The following CCDC91 variants were observed in gnomAD, a reference collection of about 807,000 sequenced individuals.
CCDC91 encodes coiled-coil domain containing 91, also known as coiled-coil domain-containing protein 91.
CCDC91 carries 48 observed loss-of-function variants against 63.2 expected under a neutral mutation model. That is an observed-to-expected ratio of 0.76 (90% CI 0.60 to 0.97). The LOEUF is 0.97. Among genes scored for constraint, CCDC91 ranks in the 50% least tolerant of loss-of-function variants. The pLI, the probability that CCDC91 is intolerant of heterozygous loss-of-function variation, is 0.00. For synonymous variants in CCDC91, 167 were observed against 165.8 expected (o/e 1.01, Z -0.06); for missense variants, 500 against 494.6 (o/e 1.01, Z -0.10).
At chr12:28,446,726 A>G (rs1949519938) in intron 8 of CCDC91, among the ~76,000 whole-genome samples, 1 of 152,114 alleles carries the variant, frequency 6.6e-6, no homozygotes, top group Non-Finnish European at 1.5e-5. Context: ...TGGCCTCCCA[A>G]AGTGCTGGGT....
chr12:28,361,734 T>G (rs899061515), intron 6 of CCDC91, among the ~76,000 whole-genome samples: 1 of 152,074 alleles, frequency 6.6e-6, no homozygotes, highest in African/African-American at 2.4e-5. Flanking sequence ...CCTATCTGTT[T>G]TCTCCATTTC....
chr12:28,546,028 G>T (rs1942966781), intron 12 of CCDC91, among the ~76,000 whole-genome samples: 1 of 152,024 alleles, frequency 6.6e-6, no homozygotes. Context: ...AATTGTTAAA[G>T]CTAGCACATA....
At chr12:28,418,252 G>C (rs2139855772) in intron 8 of CCDC91, among the ~76,000 whole-genome samples, 1 of 152,108 alleles carries the variant, frequency 6.6e-6, no homozygotes, top group Non-Finnish European at 1.5e-5. Context: ...CATTCTAATA[G>C]CTTACCAAAA....
chr12:28,208,981 T>G (rs1298533382), intron 1 of CCDC91, among the ~76,000 whole-genome samples: 1 of 151,696 alleles, frequency 6.6e-6, no homozygotes. Context: ...TTTTTTTTTG[T>G]ATTTTTAGTA....
At chr12:28,422,785 G>A (rs1437246664) in intron 8 of CCDC91, among the ~76,000 whole-genome samples, 1 of 151,994 alleles carries the variant, frequency 6.6e-6, no homozygotes, top group Admixed American at 6.6e-5. Flanking sequence ...TGAGAGAGTA[G>A]GAAAATCATC....
At chr12:28,411,512 G>C (rs1369232718) in intron 8 of CCDC91, among the ~76,000 whole-genome samples, 5 of 152,226 alleles carry the variant, frequency 3.3e-5, no homozygotes, top group Admixed American at 3.3e-4. Flanking sequence ...GTTACAAATA[G>C]AGCTAACTCT....
intron 1 of CCDC91, chr12:28,255,955 T>C (rs1946415451): frequency 6.6e-6 from 1 of 152,132 alleles, no homozygotes; most frequent in Admixed American, 6.6e-5. Flanking sequence ...GCCCTTAAGA[T>C]TAATGTTTAA....
chr12:28,370,717 G>A (rs1339267109), intron 7 of CCDC91, among the ~76,000 whole-genome samples: 2 of 152,340 alleles, frequency 1.3e-5, no homozygotes, highest in Non-Finnish European at 2.9e-5. Context: ...ATAAAGACAA[G>A]AGATTTAATT....
intron 3 of CCDC91, among the ~76,000 whole-genome samples, chr12:28,284,986 G>A (rs571018543): frequency 1.3e-5 from 2 of 152,240 alleles, no homozygotes; most frequent in African/African-American, 4.8e-5. Context: ...TTCTCTAAAC[G>A]GAATTCTAGT....
chr12:28,366,184 A>G (rs1290728943), intron 7 of CCDC91, among the ~76,000 whole-genome samples: 7 of 152,292 alleles, frequency 4.6e-5, no homozygotes, highest in Admixed American at 6.5e-5. Context: ...ATATAAAAAT[A>G]TAGTCCCTGA....
intron 11 of CCDC91, among the ~76,000 whole-genome samples, chr12:28,453,917 C>G (rs745964420): frequency 7.2e-5 from 11 of 151,962 alleles, no homozygotes; most frequent in Non-Finnish European, 1.5e-4. Flanking sequence ...AAAAAATCAG[C>G]ACATATTCGT....
intron 6 of CCDC91, among the ~76,000 whole-genome samples, chr12:28,325,136 T>G (rs1159199721): frequency 6.6e-6 from 1 of 151,960 alleles, no homozygotes; most frequent in Non-Finnish European, 1.5e-5. Flanking sequence ...TTTTTATTGT[T>G]TGAAGAAAGA....
chr12:28,216,505 C>G (rs1164530646), intron 1 of CCDC91, among the ~76,000 whole-genome samples: 2 of 151,622 alleles, frequency 1.3e-5, no homozygotes, highest in African/African-American at 4.8e-5. Context: ...GTGTAATGAA[C>G]TGGTGGACTT....
At chr12:28,390,893 C>T (rs182427029) in intron 7 of CCDC91, among the ~76,000 whole-genome samples, 8 of 151,692 alleles carry the variant, frequency 5.3e-5, no homozygotes, top group Admixed American at 5.3e-4. Flanking sequence ...GTTTTGTCAG[C>T]CAGTGAAATA....
At chr12:28,223,898 G>A (rs1944105604) in intron 1 of CCDC91, among the ~76,000 whole-genome samples, 1 of 152,122 alleles carries the variant, frequency 6.6e-6, no homozygotes, top group African/African-American at 2.4e-5. Context: ...TATTTCTCTT[G>A]AAACTCAGGC....
intron 3 of CCDC91, among the ~76,000 whole-genome samples, chr12:28,274,514 C>A (rs989360268): frequency 6.6e-6 from 1 of 152,118 alleles, no homozygotes; most frequent in Non-Finnish European, 1.5e-5. Flanking sequence ...TGTTTTATTT[C>A]ATTAAGCAGT....
At chr12:28,402,587 CA>C (rs34654808) in intron 8 of CCDC91, among the ~76,000 whole-genome samples, 2,271 of 99,316 alleles carry the variant, frequency 0.023, 26 homozygotes, top group Non-Finnish European at 0.027. Flanking sequence ...ATGTCATCTG[CA>C]AAAAAAAAAA....
intron 6 of CCDC91, among the ~76,000 whole-genome samples, chr12:28,337,804 A>T (rs900811833): frequency 6.6e-5 from 10 of 152,030 alleles, no homozygotes; most frequent in Non-Finnish European, 1.3e-4. Context: ...TGTTTTTCTT[A>T]ACTCTCTATT....
At chr12:28,464,703 A>G (rs1373919072) in intron 11 of CCDC91, among the ~76,000 whole-genome samples, 4 of 152,156 alleles carry the variant, frequency 2.6e-5, no homozygotes, top group South Asian at 4.1e-4. Flanking sequence ...CCCAGTTACT[A>G]TATCAAGGGC....
Sources: allele counts gnomAD v4.1 joint callset (sites outside exome capture counted in the v4.1 genomes callset), GRCh38; gene constraint gnomAD v4.1.1; transcripts MANE v1.5; gene names NCBI Gene and HGNC (gene_info 2026-07-23, HGNC 2026-07-21).